Variants in OTUD7A observed in about 807,000 individuals in gnomAD.
OTUD7A encodes the protein OTU domain-containing protein 7A.
In OTUD7A, 12 loss-of-function variants were observed where a neutral mutation model predicts 65.7. The observed-to-expected ratio is 0.18, with a 90% CI of 0.12 to 0.30. The LOEUF is 0.30. Ranked by LOEUF, OTUD7A falls within the 10% of genes least tolerant of loss-of-function variation. The pLI is 1.00. For missense variants in OTUD7A, 1,148 were observed against 1,304.8 expected, an observed-to-expected ratio of 0.88 and a Z score of 1.85; for synonymous variants, 641 against 586.3, an observed-to-expected ratio of 1.09 and a Z score of -1.35.
chr15:31,775,809 C>G (rs1895363711), intron 1 of OTUD7A, among the ~76,000 whole-genome samples: 1 of 152,184 alleles, frequency 6.6e-6, no homozygotes, highest in Non-Finnish European at 1.5e-5. Context: ...TCCCTCAGGA[C>G]AGGTTCTGAA....
At chr15:31,635,897 C>T (rs557614180) in intron 3 of OTUD7A, among the ~76,000 whole-genome samples, 2 of 152,330 alleles carry the variant, frequency 1.3e-5, no homozygotes, top group East Asian at 3.9e-4. Flanking sequence ...GCCACTGCCC[C>T]CCACTTGCCA....
At chr15:31,830,718 T>C (rs1352515771) in intron 1 of OTUD7A, among the ~76,000 whole-genome samples, 2 of 152,218 alleles carry the variant, frequency 1.3e-5, no homozygotes, top group Non-Finnish European at 2.9e-5. Flanking sequence ...CAGAATCCAG[T>C]ATGAAGAGAC....
Position 31,510,954 on chromosome 15 carries a change from A to G in OTUD7A, c.894-7136T>C, listed in dbSNP as rs1467164014. Among the ~76,000 whole-genome samples the G allele has an allele frequency of 3.1e-5, 3 of 98,244 alleles. 1 individual carries two copies. In the Admixed American group the frequency reaches 3.3e-4, roughly 11 times the overall value. The allele number at this position is 98,244 out of a possible 152,430, so 64.5% of individuals were successfully genotyped here. Reference sequence around the variant, plus strand: ...ATATGTATATCTATATGTAACATATATGTATATCTATATGTAACATATGTA... The same window carrying G: ...ATATGTATATCTATATGTAACATATGTGTATATCTATATGTAACATATGTA... On this transcript the variant is annotated intron_variant, in intron 8 of 12. Coordinates refer to ENST00000307050, the MANE Select transcript of OTUD7A (RefSeq NM_001382637.1).
intron 12 of OTUD7A, among the ~76,000 whole-genome samples, chr15:31,486,816 T>C (rs924965891): frequency 6.6e-6 from 1 of 152,268 alleles, no homozygotes; most frequent in African/African-American, 2.4e-5. Flanking sequence ...TCTTAGCAGA[T>C]AGTTTTGTGT....
At chr15:31,493,645 A>G (rs926025046) in intron 10 of OTUD7A, among the ~76,000 whole-genome samples, 2 of 152,260 alleles carry the variant, frequency 1.3e-5, no homozygotes, top group Non-Finnish European at 2.9e-5. Flanking sequence ...CATTAAAAAG[A>G]ACAGAAATCA....
chr15:31,639,460 GA>G (rs1891448156), intron 3 of OTUD7A, among the ~76,000 whole-genome samples: 1 of 147,412 alleles, frequency 6.8e-6, no homozygotes, highest in South Asian at 2.1e-4. Context: ...CCCTCACTAA[GA>G]ATGCCAAAAA....
intron 1 of OTUD7A, among the ~76,000 whole-genome samples, chr15:31,758,592 T>C (rs1163411268): frequency 6.6e-6 from 1 of 152,252 alleles, no homozygotes; most frequent in Non-Finnish European, 1.5e-5. Flanking sequence ...TTATAAAGAC[T>C]ATGACTTGCA....
In OTUD7A at chr15:31,475,775, A is replaced by C. The variant is rs147785898; in HGVS notation, c.*7519T>G. 1 of 152,380 alleles carries C rather than the reference A, an allele frequency of 6.6e-6. No individual in the cohort carries two copies. Among genetic ancestry groups the C allele is most frequent in the African/African-American group, 2.4e-5 (1 of 41,596 alleles). 9.4% of individuals were successfully genotyped at this position (152,380 alleles called of 1,614,324 possible). On this transcript the variant is annotated 3_prime_UTR_variant, in exon 13 of 13. Transcript: ENST00000307050. ...GAAAGGGGTTCTGCACAACTGGGTC[A>C]AAGTAATGTGATTGACGACCTACTT...
intron 3 of OTUD7A, among the ~76,000 whole-genome samples, chr15:31,629,258 A>G (rs1349257341): frequency 6.6e-6 from 1 of 152,150 alleles, no homozygotes. Flanking sequence ...ATATTTTGAG[A>G]TATGTCCAAT....
chr15:31,558,206 TATA>T (rs1888562127), intron 5 of OTUD7A: 1 of 152,400 alleles, frequency 6.6e-6, no homozygotes, highest in African/African-American at 2.4e-5. Flanking sequence ...TTGCAATGTT[TATA>T]ATGTGAATGA....
At chr15:31,653,866 C>G (rs568930254) in intron 3 of OTUD7A, among the ~76,000 whole-genome samples, 2 of 151,012 alleles carry the variant, frequency 1.3e-5, no homozygotes, top group South Asian at 4.2e-4. Flanking sequence ...TAATGGCCAC[C>G]ACAAGCATGG....
At chr15:31,765,726 C>A in intron 1 of OTUD7A, 1 of 1,048,270 alleles carries the variant, frequency 9.5e-7, no homozygotes, top group South Asian at 1.5e-5. Flanking sequence ...ACAAGTATTA[C>A]ATACTTTTTA....
In OTUD7A at chr15:31,487,804, C is replaced by G. The variant is rs971412975; in HGVS notation, c.1172-238G>C. On this transcript the variant is annotated intron_variant, in intron 10 of 12. Coordinates refer to ENST00000307050, the MANE Select transcript of OTUD7A (RefSeq NM_001382637.1). The surrounding 1 kb of genome is among the most constrained non-coding windows in gnomAD (Gnocchi z 6.0). ...ACCTGGACCCTGGCTCTCTTTGGGT[C>G]TGTCCAATGGCAGATACTCCATTGG... Among the ~76,000 whole-genome samples the G allele has an allele frequency of 7.9e-5, 12 of 152,192 alleles. No individual in the cohort carries two copies. Among genetic ancestry groups the G allele is most frequent in the African/African-American group, 2.7e-4 (11 of 41,442 alleles).
intron 3 of OTUD7A, among the ~76,000 whole-genome samples, chr15:31,576,091 A>G (rs1889195160): frequency 6.6e-6 from 1 of 152,196 alleles, no homozygotes; most frequent in Non-Finnish European, 1.5e-5. Context: ...CTCCCATTTT[A>G]TTCCTAAATA....
At chr15:31,642,548 A>G (rs1891548520) in intron 3 of OTUD7A, among the ~76,000 whole-genome samples, 1 of 152,092 alleles carries the variant, frequency 6.6e-6, no homozygotes, top group African/African-American at 2.4e-5. Context: ...TTTCAACTAC[A>G]ACTTAGATTT....
At chr15:31,637,759 T>G (rs965891337) in intron 3 of OTUD7A, among the ~76,000 whole-genome samples, 1 of 152,180 alleles carries the variant, frequency 6.6e-6, no homozygotes, top group African/African-American at 2.4e-5. Context: ...TGGATGACTT[T>G]GTGGGGTCCA....
At chr15:31,811,906 C>T (rs1896427203) in intron 1 of OTUD7A, among the ~76,000 whole-genome samples, 2 of 152,208 alleles carry the variant, frequency 1.3e-5, no homozygotes, top group South Asian at 4.1e-4. Context: ...CACTCGCTCA[C>T]TCTGCACAGC....
chr15:31,858,440 G>T (rs1325542694), intron 1 of OTUD7A, among the ~76,000 whole-genome samples: 1 of 152,184 alleles, frequency 6.6e-6, no homozygotes, highest in Non-Finnish European at 1.5e-5. Context: ...AGAGGCAGCA[G>T]CTCAGCCATG....
intron 8 of OTUD7A, among the ~76,000 whole-genome samples, chr15:31,509,687 G>A (rs1248649758): frequency 6.6e-6 from 1 of 151,838 alleles, no homozygotes; most frequent in African/African-American, 2.4e-5. Flanking sequence ...TACATATTTT[G>A]TATATAAACT....
Sources: gnomAD v4.1 joint callset for allele counts (sites outside exome capture counted in the v4.1 genomes callset) on GRCh38, gnomAD v4.1.1 for gene constraint, Gnocchi (gnomAD v3.1) non-coding constraint, MANE v1.5 for transcripts, NCBI Gene and HGNC (gene_info 2026-07-23, HGNC 2026-07-21) for gene names.